Variants in DNM3 observed in about 807,000 individuals in gnomAD.
DNM3 encodes the protein dynamin-3.
Under a neutral mutation model 101.6 loss-of-function variants are expected in DNM3, and 47 were observed. The observed-to-expected ratio is 0.46, with a 90% CI of 0.37 to 0.59. The LOEUF (loss-of-function observed/expected upper bound fraction) is 0.59. Among genes scored for constraint, DNM3 ranks in the 20% least tolerant of loss-of-function variants. The pLI is 0.00. For synonymous variants in DNM3, 385 were observed against 387.9 expected (o/e 0.99, Z 0.09); for missense variants, 849 against 1,085.7 (o/e 0.78, Z 3.06).
chr1:171,963,892 T>A (rs1309281003), intron 2 of DNM3, among the ~76,000 whole-genome samples: 1 of 151,894 alleles, frequency 6.6e-6, no homozygotes, highest in African/African-American at 2.4e-5. Context: ...GACTCTCTTG[T>A]CAAAGGCATT....
At chr1:172,298,712 T>A (rs1370282674) in intron 15 of DNM3, among the ~76,000 whole-genome samples, 2 of 152,086 alleles carry the variant, frequency 1.3e-5, no homozygotes, top group African/African-American at 4.8e-5. Flanking sequence ...CCCCAGGGGA[T>A]ATAATGTTGA....
rs74826832 is a variant in DNM3, at chr1:172,116,501, G to A, written c.1546-14674G>A. Among the ~76,000 whole-genome samples, 869 of 152,322 alleles carry A rather than the reference G, an allele frequency of 5.7e-3. 10 individuals are homozygous for A. Among genetic ancestry groups the A allele is most frequent in the African/African-American group, 0.02 (822 of 41,574 alleles). On this transcript the variant is annotated intron_variant, in intron 13 of 20. Transcript: ENST00000627582. ...AAGCCAGTCCAGCATGGAGTGGACAGGTGGTGTTGGGGAGGGGGAACAGGG... is the reference window on the plus strand; with the variant it reads ...AAGCCAGTCCAGCATGGAGTGGACAAGTGGTGTTGGGGAGGGGGAACAGGG...
chr1:172,279,670 T>C (rs963756703), intron 15 of DNM3, among the ~76,000 whole-genome samples: 10 of 152,120 alleles, frequency 6.6e-5, no homozygotes, highest in Admixed American at 2.0e-4. Context: ...TGCTGGAAAC[T>C]TAAACATCAC....
intron 17 of DNM3, among the ~76,000 whole-genome samples, chr1:172,367,109 T>C (rs1162337700): frequency 6.6e-6 from 1 of 151,190 alleles, no homozygotes; most frequent in Non-Finnish European, 1.5e-5. Flanking sequence ...AAGAGAAAAG[T>C]GTTAAGTCAC....
intron 2 of DNM3, among the ~76,000 whole-genome samples, chr1:171,948,016 A>G (rs113625561): frequency 0.011 from 1,706 of 152,338 alleles, 13 homozygotes; most frequent in South Asian, 0.021. Context: ...TCTTAAAATT[A>G]CACCACCTAT....
intron 20 of DNM3, among the ~76,000 whole-genome samples, chr1:172,391,277 T>C (rs1400544954): frequency 6.6e-6 from 1 of 152,070 alleles, no homozygotes; most frequent in Non-Finnish European, 1.5e-5. Context: ...TGTTTTGTGC[T>C]GAGCCTTCAA....
chr1:172,222,848 C>T lies in DNM3; in HGVS notation c.1660-30725C>T, dbSNP rs955481752. Among the ~76,000 whole-genome samples, 4 of 151,964 alleles carry T rather than the reference C, an allele frequency of 2.6e-5. No homozygotes were observed. The South Asian group carries it at 6.2e-4, about 24-fold the overall frequency. On this transcript the variant is annotated intron_variant, in intron 14 of 20. Coordinates refer to ENST00000627582, the MANE Select transcript of DNM3 (RefSeq NM_015569.5). ...GAAGAGATATAACTTGCTCATTCAC[C>T]GAAAACTTGTACACAAACAAAATCT...
chr1:172,413,337 C>T (rs2071312293), downstream of DNM3, among the ~76,000 whole-genome samples: 1 of 152,218 alleles, frequency 6.6e-6, no homozygotes, highest in Non-Finnish European at 1.5e-5. Flanking sequence ...CGCCATTCTC[C>T]TGCCTCAGCC....
chr1:172,151,136 G>A (rs1007410209), intron 14 of DNM3, among the ~76,000 whole-genome samples: 15 of 152,246 alleles, frequency 9.9e-5, no homozygotes, highest in African/African-American at 3.6e-4. Flanking sequence ...CTCTATGTGA[G>A]AATTATTAAC....
At chr1:172,244,154 T>TTC (rs2061854863) in intron 14 of DNM3, among the ~76,000 whole-genome samples, 1 of 152,062 alleles carries the variant, frequency 6.6e-6, no homozygotes, top group African/African-American at 2.4e-5. Context: ...CTGAGAATGA[T>TTC]GATTTCCAAT....
intron 2 of DNM3, among the ~76,000 whole-genome samples, chr1:171,929,923 A>T (rs2040867184): frequency 6.6e-6 from 1 of 152,042 alleles, no homozygotes; most frequent in South Asian, 2.1e-4. Flanking sequence ...TGAAGTCTGG[A>T]ATGGCTAAGT....
chr1:172,417,701 A>G (rs182966515), downstream of DNM3, among the ~76,000 whole-genome samples: 2 of 152,238 alleles, frequency 1.3e-5, no homozygotes, highest in Admixed American at 6.5e-5. Flanking sequence ...GCAAATTCTT[A>G]TTTACAAATC....
chr1:172,179,580 A>T (rs879465427), intron 14 of DNM3, among the ~76,000 whole-genome samples: 2 of 151,898 alleles, frequency 1.3e-5, no homozygotes, highest in Admixed American at 1.3e-4. Flanking sequence ...GGACTTTCTA[A>T]GAAAAATGTA....
At chr1:172,221,408 T>C (rs2060902004) in intron 14 of DNM3, among the ~76,000 whole-genome samples, 1 of 152,108 alleles carries the variant, frequency 6.6e-6, no homozygotes, top group Admixed American at 6.6e-5. Context: ...ATCATGTCTG[T>C]AATATATATG....
chr1:172,407,932 T>C lies in DNM3; in HGVS notation c.*91T>C. 1 of 1,600,218 alleles carries C rather than the reference T, an allele frequency of 6.2e-7. No homozygotes were observed. Among genetic ancestry groups the C allele is most frequent in the Non-Finnish European group, 8.5e-7 (1 of 1,171,542 alleles). On this transcript the variant is annotated 3_prime_UTR_variant, in exon 21 of 21. Transcript: ENST00000627582. The stretch of plus-strand genomic sequence containing the variant: ...TTGCAGTAAATCATGAGTAGTCGCA[T>C]GTGTGGACATCAGTAGGCAAGTAAC...
intron 16 of DNM3, among the ~76,000 whole-genome samples, chr1:172,317,477 T>TTGA (rs1225689296): frequency 2.0e-5 from 3 of 151,910 alleles, no homozygotes; most frequent in African/African-American, 7.3e-5. Context: ...ATCAACAAAA[T>TTGA]TGATAGACCA....
rs149873174 is a variant in DNM3, at chr1:171,993,047, T to C, written c.589+3899T>C. On this transcript the variant is annotated intron_variant, in intron 4 of 20. Coordinates refer to ENST00000627582, the MANE Select transcript of DNM3 (RefSeq NM_015569.5). ...TTATTGTCATACAAATCACAACTTT[T>C]ACATTACATGCCTATCAACACAGAA... Among the ~76,000 whole-genome samples the C allele has an allele frequency of 1.2e-4, 18 of 152,218 alleles. No homozygotes were observed. In the East Asian group the frequency reaches 3.5e-3, roughly 29 times the overall value.
At chr1:172,126,000 C>T (rs1312259810) in intron 13 of DNM3, among the ~76,000 whole-genome samples, 3 of 152,058 alleles carry the variant, frequency 2.0e-5, no homozygotes, top group African/African-American at 4.8e-5. Flanking sequence ...CCTTATTGGT[C>T]TTACTCCTTG....
intron 13 of DNM3, among the ~76,000 whole-genome samples, chr1:172,112,141 C>T (rs947284387): frequency 4.6e-5 from 7 of 152,190 alleles, no homozygotes; most frequent in Non-Finnish European, 8.8e-5. Flanking sequence ...ATCTTCATTT[C>T]GATGGATAAT....
Sources: allele counts gnomAD v4.1 joint callset (sites outside exome capture counted in the v4.1 genomes callset), GRCh38; gene constraint gnomAD v4.1.1; transcripts MANE v1.5; gene names NCBI Gene and HGNC (gene_info 2026-07-23, HGNC 2026-07-21).